ASXL1: variants seen among roughly 807,000 people sequenced by gnomAD.
ASXL1 encodes the protein ASXL transcriptional regulator 1.
Under a neutral mutation model 89.1 loss-of-function variants are expected in ASXL1, and 65 were observed. The ratio of observed to expected loss-of-function variants is 0.73; its 90% confidence interval spans 0.60 to 0.90. The LOEUF (loss-of-function observed/expected upper bound fraction) is 0.90, where lower values mean the gene tolerates loss of function less well. Ranked by LOEUF, ASXL1 falls within the 40% of genes least tolerant of loss-of-function variation. The probability of loss-of-function intolerance (pLI) is 0.00; values close to 1 mark genes in which losing one functional copy is unlikely to be tolerated. For missense variants in ASXL1, 1,786 were observed against 1,942.9 expected, an observed-to-expected ratio of 0.92 and a Z score of 1.52; for synonymous variants, 739 against 746.9, an observed-to-expected ratio of 0.99 and a Z score of 0.17.
chr20:32,436,724 T>C lies in ASXL1; in HGVS notation c.4012T>C (p.Leu1338=), dbSNP rs1413624129. The change falls in exon 13 of 13, where the codon TTG becomes CTG. Residue 1338 remains leucine (L), a synonymous_variant. Coordinates refer to ENST00000375687, the MANE Select transcript of ASXL1 (RefSeq NM_015338.6). The part of the protein sequence containing the change: ...EIPPVFPSGK[L]GPSTNSMSGG... Reference sequence around the variant, plus strand: ...CCCTCCAGTTTTTCCCAGTGGGAAGTTGGGACCAAGCACAAACTCCATGTC... The same window carrying C: ...CCCTCCAGTTTTTCCCAGTGGGAAGCTGGGACCAAGCACAAACTCCATGTC... 6.2e-7 allele frequency: 1 copy of C among 1,614,002 alleles called. No individual in the cohort carries two copies.
At chr20:32,407,849 G>A (rs2048981492) in intron 4 of ASXL1, among the ~76,000 whole-genome samples, 1 of 152,134 alleles carries the variant, frequency 6.6e-6, no homozygotes, top group Admixed American at 6.5e-5. Context: ...AAAACAATAT[G>A]TTTTTAGGAA....
chr20:32,434,011 A>G lies in ASXL1; in HGVS notation c.1719+94A>G. 3.3e-6 allele frequency: 5 copies of G among 1,532,376 alleles called. No homozygotes were observed. The East Asian group carries it at 1.1e-4, about 35-fold the overall frequency. The allele number at this position is 1,532,376 out of a possible 1,614,324, so 94.9% of individuals were successfully genotyped here. A position where few individuals can be genotyped will look rare whatever the true frequency, so the allele number is the denominator to read the frequency against. On this transcript the variant is annotated intron_variant, in intron 12 of 12. Transcript: ENST00000375687. Reference sequence around the variant, plus strand: ...CCCTTAACTCTGGGGCCCTGAAGTTAATTATGTGGGAATGTAGAGCTTTTT... The same window carrying G: ...CCCTTAACTCTGGGGCCCTGAAGTTGATTATGTGGGAATGTAGAGCTTTTT...
Position 32,415,353 on chromosome 20 carries a change from C to T in ASXL1, c.253-12775C>T, listed in dbSNP as rs1007815354. Reference sequence around the variant, plus strand: ...GTTGGTCTTATTTAGAGTGTGGCATCTCACTCCATGCCCCATCCCTTGAGC... The same window carrying T: ...GTTGGTCTTATTTAGAGTGTGGCATTTCACTCCATGCCCCATCCCTTGAGC... On this transcript the variant is annotated intron_variant, in intron 4 of 12. Transcript: ENST00000375687. 3.9e-5 allele frequency among the ~76,000 whole-genome samples: 6 copies of T among 152,260 alleles called. No individual in the cohort carries two copies. The South Asian group carries it at 6.2e-4, about 16-fold the overall frequency.
intron 4 of ASXL1, among the ~76,000 whole-genome samples, chr20:32,403,779 A>G (rs2048912772): frequency 1.3e-5 from 2 of 152,190 alleles, no homozygotes; most frequent in African/African-American, 4.8e-5. Context: ...TAGTAAATGC[A>G]TTAAACCCAT....
At chr20:32,366,008 A>G (rs569395611) in intron 1 of ASXL1, among the ~76,000 whole-genome samples, 41 of 152,244 alleles carry the variant, frequency 2.7e-4, no homozygotes, top group African/African-American at 9.9e-4. Context: ...ATACTAATCA[A>G]ACTTCCTTGG....
intron 4 of ASXL1, among the ~76,000 whole-genome samples, chr20:32,425,547 C>A (rs555701660): frequency 6.6e-6 from 1 of 152,142 alleles, no homozygotes; most frequent in Admixed American, 6.5e-5. Context: ...TATCTCATTG[C>A]GGTTTTAATT....
At chr20:32,370,872 C>T (rs767956350) in intron 4 of ASXL1, among the ~76,000 whole-genome samples, 7 of 147,656 alleles carry the variant, frequency 4.7e-5, no homozygotes, top group African/African-American at 7.5e-5. Context: ...GCTTTGTGGT[C>T]GGCTGTGGTG....
At position 32,426,548 on chromosome 20, in the gene ASXL1, T is replaced by A. The variant is rs565408719; in HGVS notation, c.253-1580T>A. On this transcript the variant is annotated intron_variant, in intron 4 of 12. Transcript: ENST00000375687. ...GATGTAGAAAACTGTTTTCTTTTTTTTCTTTCTTTTTTTTTTTTTTTTTTT... is the reference window on the plus strand; with the variant it reads ...GATGTAGAAAACTGTTTTCTTTTTTATCTTTCTTTTTTTTTTTTTTTTTTT... Among the ~76,000 whole-genome samples, 8 of 98,436 alleles carry A rather than the reference T, an allele frequency of 8.1e-5. No individual in the cohort carries two copies. In the East Asian group the frequency reaches 3.9e-3, roughly 48 times the overall value. The allele number at this position is 98,436 out of a possible 152,430, so 64.6% of individuals were successfully genotyped here.
chr20:32,416,066 T>C (rs2049132751), intron 4 of ASXL1, among the ~76,000 whole-genome samples: 1 of 152,212 alleles, frequency 6.6e-6, no homozygotes. Flanking sequence ...TGCAGTACAC[T>C]ACAAATTTTG....
At chr20:32,401,210 A>G (rs2048865732) in intron 4 of ASXL1, among the ~76,000 whole-genome samples, 1 of 152,182 alleles carries the variant, frequency 6.6e-6, no homozygotes, top group Admixed American at 6.5e-5. Flanking sequence ...GTTAATATAC[A>G]GTTCTATGAA....
chr20:32,367,077 T>TA lies in ASXL1; in HGVS notation c.140+630dup, dbSNP rs11478048. Among the ~76,000 whole-genome samples, 496 of 134,878 alleles carry TA rather than the reference T, an allele frequency of 3.7e-3. 5 individuals are homozygous for TA. Among genetic ancestry groups the TA allele is most frequent in the East Asian group, 0.03 (135 of 4,430 alleles). The allele number at this position is 134,878 out of a possible 152,430, so 88.5% of individuals were successfully genotyped here. On this transcript the variant is annotated intron_variant, in intron 2 of 12. Coordinates refer to ENST00000375687, the MANE Select transcript of ASXL1 (RefSeq NM_015338.6). ...TTTTTCCTCATCCTAACTTCAAACT[T>TA]AAAAAAAAAAAAAAAAAAAGCTGGG...
At chr20:32,388,321 T>C (rs2048615309) in intron 4 of ASXL1, among the ~76,000 whole-genome samples, 1 of 152,096 alleles carries the variant, frequency 6.6e-6, no homozygotes, top group Non-Finnish European at 1.5e-5. Flanking sequence ...GCTGCAGGCA[T>C]GCACCACCAT....
At chr20:32,424,801 T>G (rs771610839) in intron 4 of ASXL1, among the ~76,000 whole-genome samples, 4 of 152,212 alleles carry the variant, frequency 2.6e-5, no homozygotes, top group Non-Finnish European at 4.4e-5. Flanking sequence ...GTTTTTAAAC[T>G]TTTATAATTG....
At chr20:32,388,018 T>C (rs543798693) in intron 4 of ASXL1, among the ~76,000 whole-genome samples, 3 of 152,316 alleles carry the variant, frequency 2.0e-5, no homozygotes, top group South Asian at 4.1e-4. Context: ...ATAAATCCTG[T>C]TGGCTCTATC....
Position 32,358,849 on chromosome 20 carries a change from A to AG in ASXL1, c.57+23dup, listed in dbSNP as rs757765039. 122 of 1,270,438 alleles carry AG rather than the reference A, an allele frequency of 9.6e-5. No homozygotes were observed. The African/African-American group carries it at 1.4e-3, about 15-fold the overall frequency. The allele number at this position is 1,270,438 out of a possible 1,614,324, so 78.7% of individuals were successfully genotyped here. Reference sequence around the variant, plus strand: ...GCGCGCCTGGTGAGGCGGACAGCCGAGGGGGGCTCCGTGGGGCCCGGGGTG... The same window carrying AG: ...GCGCGCCTGGTGAGGCGGACAGCCGAGGGGGGGCTCCGTGGGGCCCGGGGTG... On this transcript the variant is annotated intron_variant, in intron 1 of 12. Transcript: ENST00000375687.
chr20:32,397,875 C>T (rs185793758), intron 4 of ASXL1, among the ~76,000 whole-genome samples: 156 of 152,348 alleles, frequency 1.0e-3, no homozygotes, highest in Admixed American at 1.6e-3. Flanking sequence ...CCTTGGCTCA[C>T]GCCTGTAATG....
intron 4 of ASXL1, among the ~76,000 whole-genome samples, chr20:32,425,407 A>C (rs973663072): frequency 6.6e-6 from 1 of 152,196 alleles, no homozygotes; most frequent in Non-Finnish European, 1.5e-5. Context: ...TGTATCTTCA[A>C]CTGTACCAGA....
At chr20:32,417,720 G>A (rs2049162210) in intron 4 of ASXL1, among the ~76,000 whole-genome samples, 1 of 151,944 alleles carries the variant, frequency 6.6e-6, no homozygotes. Flanking sequence ...GTATGTGTAG[G>A]TTTAAAAAAA....
chr20:32,382,729 T>C (rs1039778460), intron 4 of ASXL1, among the ~76,000 whole-genome samples: 2 of 151,790 alleles, frequency 1.3e-5, no homozygotes, highest in African/African-American at 4.8e-5. Flanking sequence ...GCGACTGCAG[T>C]GAGCTGTGAT....
Sources: gnomAD v4.1 joint callset for allele counts (sites outside exome capture counted in the v4.1 genomes callset) on GRCh38, gnomAD v4.1.1 for gene constraint, MANE v1.5 for transcripts, NCBI Gene and HGNC (gene_info 2026-07-23, HGNC 2026-07-21) for gene names.